The following COL16A1 variants were observed in gnomAD, a reference collection of about 807,000 sequenced individuals.
The protein encoded by COL16A1 is collagen alpha-1(XVI) chain.
Under a neutral mutation model 266.3 loss-of-function variants are expected in COL16A1, and 189 were observed. The ratio of observed to expected loss-of-function variants is 0.71; its 90% CI spans 0.63 to 0.80. The LOEUF (loss-of-function observed/expected upper bound fraction) is 0.80. Ranked by LOEUF, COL16A1 falls within the 30% of genes least tolerant of loss-of-function variation. The pLI is 0.00. For synonymous variants in COL16A1, 740 were observed against 782.3 expected, an observed-to-expected ratio of 0.95 and a Z score of 0.90; for missense variants, 1,928 against 2,122.4, an observed-to-expected ratio of 0.91 and a Z score of 1.80.
intron 8 of COL16A1, 72 bp from the exon 9 acceptor site, chr1:31,696,213 C>T: frequency 7.1e-7 from 1 of 1,398,702 alleles, no homozygotes; most frequent in Non-Finnish European, 1.0e-6. Flanking sequence ...AAGGGGCACC[C>T]AGGCAGGGGG....
At chr1:31,693,327 T>C in intron 12 of COL16A1, 173 bp from the exon 13 acceptor site, 1 of 610,058 alleles carries the variant, frequency 1.6e-6, no homozygotes, top group Non-Finnish European at 3.0e-6. Context: ...CACAAGCATA[T>C]GGATTCCACA....
At chr1:31,654,098 A>G (rs1421408134) in intron 68 of COL16A1, 55 bp from the exon 69 acceptor site, 20 of 1,563,490 alleles carry the variant, frequency 1.3e-5, no homozygotes, top group Middle Eastern at 1.9e-4. Context: ...AGGGACTCAG[A>G]ATGACTGCAG....
chr1:31,675,904 C>T (rs958717319), intron 42 of COL16A1, among the ~76,000 whole-genome samples: 3 of 152,166 alleles, frequency 2.0e-5, no homozygotes, highest in African/African-American at 2.4e-5. Flanking sequence ...TGATCCTCCC[C>T]GCTCAGCCTC....
At position 31,670,520 on chromosome 1, in the gene COL16A1, C is replaced by T. The variant is rs527548106; in HGVS notation, c.3195+82G>A. 1.0e-4 allele frequency: 131 copies of T among 1,299,666 alleles called. No homozygotes were observed. Among genetic ancestry groups the T allele is most frequent in the Non-Finnish European group, 1.2e-4 (120 of 1,015,708 alleles). The allele number at this position is 1,299,666 out of a possible 1,614,324, so 80.5% of individuals were successfully genotyped here. A position where few individuals can be genotyped will look rare whatever the true frequency, so the allele number is the denominator to read the frequency against. ...CAAACACGGAGGACGGAGGTGAAGGCACGACAGGAGGGAGACAAGCAAAAG... is the reference window on the plus strand; with the variant it reads ...CAAACACGGAGGACGGAGGTGAAGGTACGACAGGAGGGAGACAAGCAAAAG... On this transcript the variant is annotated intron_variant, in intron 49 of 70. Coordinates refer to ENST00000373672, the MANE Select transcript of COL16A1 (RefSeq NM_001856.4). This position sits in a 1 kb window ranked among gnomAD's most constrained non-coding sequence, Gnocchi z 4.5.
Position 31,698,626 on chromosome 1 carries a change from G to A in COL16A1, c.267-20C>T, listed in dbSNP as rs1644600548. 1.2e-6 allele frequency: 2 copies of A among 1,612,182 alleles called. No individual in the cohort carries two copies. The highest frequency in any genetic ancestry group is 1.7e-6 in the Non-Finnish European group (2 of 1,179,450). ...ACTCTTCTGGAGATGGAGCAGGGAG[G>A]GTGCCCTGAGGCTCCAATGAGGACC... On this transcript the variant is annotated intron_variant, in intron 4 of 70. Transcript: ENST00000373672. The surrounding 1 kb of genome is among the most constrained non-coding windows in gnomAD (Gnocchi z 4.1).
At chr1:31,700,824 G>A (rs1178816126) in intron 2 of COL16A1, among the ~76,000 whole-genome samples, 4 of 152,330 alleles carry the variant, frequency 2.6e-5, no homozygotes, top group Admixed American at 6.5e-5. Context: ...AAGCTCAAGG[G>A]TACCACCAGG....
In COL16A1 at chr1:31,696,239, A is replaced by G. The variant is rs957437420; in HGVS notation, c.865-98T>C. ...AGGCAGGGGGCATGGGCCCCAGGTA[A>G]TCCTTCAGCCTGGCATCTGGCACCT... On this transcript the variant is annotated intron_variant, in intron 8 of 70. Coordinates refer to ENST00000373672, the MANE Select transcript of COL16A1 (RefSeq NM_001856.4). The G allele has an allele frequency of 8.2e-6, 9 of 1,097,432 alleles. No individual in the cohort carries two copies. The African/African-American group carries it at 1.1e-4, about 13-fold the overall frequency. The allele number at this position is 1,097,432 out of a possible 1,614,324, so 68.0% of individuals were successfully genotyped here. A position where few individuals can be genotyped will look rare whatever the true frequency, so the allele number is the denominator to read the frequency against.
chr1:31,655,343 GGC>G lies in COL16A1; in HGVS notation c.4259_4260del (p.Ser1420ThrfsTer17). On this transcript the variant is annotated frameshift_variant, in exon 67 of 71. Transcript: ENST00000373672. LOFTEE classifies it high-confidence loss of function. ...GHPGAPGPSG[S>X]PGLPGVPGSM... ...GAGCCAGGCACACCAGGCAAGCCAG[GGC>G]TCCCCGAAGGCCCCGGAGCTCCAGG... 1 of 1,613,686 alleles carries G rather than the reference GGC, an allele frequency of 6.2e-7. No homozygotes were observed. Among genetic ancestry groups the G allele is most frequent in the Non-Finnish European group, 8.5e-7 (1 of 1,179,852 alleles).
rs758834459 is a variant in COL16A1, at chr1:31,692,516, TGAGGAAGGGAGACA to T, written c.1159-21_1159-8del. ...CTGGGAGTCCTGAGGGTCCCTGAGATGAGGAAGGGAGACAGAGGAAGGGAGGGTAAGGCTGGGCC... is the reference window on the plus strand; with the variant it reads ...CTGGGAGTCCTGAGGGTCCCTGAGATGAGGAAGGGAGGGTAAGGCTGGGCC... On this transcript the variant is annotated splice_region_variant and splice_polypyrimidine_tract_variant and intron_variant, in intron 15 of 70. Transcript: ENST00000373672. 6.2e-6 allele frequency: 10 copies of T among 1,613,776 alleles called. No individual in the cohort carries two copies. Among genetic ancestry groups the T allele is most frequent in the Non-Finnish European group, 8.5e-6 (10 of 1,179,884 alleles).
rs1641121193 is a variant in COL16A1 at position 31,656,098 on chromosome 1, C to G, written c.4101+302G>C. 8.6e-6 allele frequency: 4 copies of G among 465,254 alleles called. No individual in the cohort carries two copies. In the East Asian group the frequency reaches 1.8e-4, roughly 20 times the overall value. 28.8% of individuals were successfully genotyped at this position (465,254 alleles called of 1,614,324 possible). ...CTATTGTTCAGGGACCTCTGTTTAC[C>G]TGAGGCCAGGACAAGGGCCTGGAAT... On this transcript the variant is annotated intron_variant, in intron 66 of 70. Transcript: ENST00000373672. The surrounding 1 kb of genome is among the most constrained non-coding windows in gnomAD (Gnocchi z 4.2).
chr1:31,684,954 A>C, intron 29 of COL16A1, 98 bp from the exon 30 acceptor site: 4 of 1,595,774 alleles, frequency 2.5e-6, no homozygotes, highest in Non-Finnish European at 3.4e-6. Context: ...TAAACAAACA[A>C]ACAAAATCTC....
intron 56 of COL16A1, 28 bp from the exon 57 acceptor site, chr1:31,662,686 C>CCCCCCG: frequency 9.8e-7 from 1 of 1,021,302 alleles, no homozygotes; most frequent in Non-Finnish European, 1.4e-6. Flanking sequence ...CCCCCCCCCC[C>CCCCCCG]GCCCCACAAT....
chr1:31,690,012 C>G, intron 22 of COL16A1, 161 bp from the exon 23 acceptor site: 1 of 645,698 alleles, frequency 1.5e-6, no homozygotes, highest in South Asian at 1.9e-5. Flanking sequence ...TCCTGTTCAA[C>G]TGACTCATTC....
At chr1:31,653,816 C>G in intron 69 of COL16A1, 51 bp downstream of exon 69, 1 of 1,581,764 alleles carries the variant, frequency 6.3e-7, no homozygotes. Context: ...AATACTTAGG[C>G]CTGCCCCAAA....
rs571101816 is a variant in COL16A1, at chr1:31,702,445, G to A, written c.-34-218C>T. ...AAATATTTAACCACCGGTATGGCACGGATACCAGCTTTCAGGCAAAGCAGA... is the reference window on the plus strand; with the variant it reads ...AAATATTTAACCACCGGTATGGCACAGATACCAGCTTTCAGGCAAAGCAGA... On this transcript the variant is annotated intron_variant, in intron 1 of 70. Transcript: ENST00000373672. Among the ~76,000 whole-genome samples, 404 of 152,298 alleles carry A rather than the reference G, an allele frequency of 2.7e-3. 1 individual carries two copies. Among genetic ancestry groups the A allele is most frequent in the African/African-American group, 9.2e-3 (384 of 41,548 alleles).
Position 31,691,418 on chromosome 1 carries a change from G to A in COL16A1, c.1397C>T (p.Pro466Leu), listed in dbSNP as rs535289060. 27 of 1,609,302 alleles carry A rather than the reference G, an allele frequency of 1.7e-5. No homozygotes were observed. The highest frequency in any genetic ancestry group is 1.7e-4 in the Middle Eastern group (1 of 6,034). ...GPPGIGLPGT[P>L]GDPGGPPGPK... ...CAGGAGAAGCAAGGGGGTACTCACC[G>A]GGGTCCCAGGCAGTCCTATCCCAGG... Residue 466 changes from proline (P) to leucine (L), a missense_variant and splice_region_variant, in exon 19 of 71, where the codon CCG becomes CTG. Around this residue, in one of 2 missense-constraint regions of COL16A1, gnomAD observed 1,552 missense variants for 1,637.2 expected, o/e 0.95. Transcript: ENST00000373672.
At position 31,667,612 on chromosome 1, in the gene COL16A1, C is replaced by T. The variant is rs34013895; in HGVS notation, c.3320G>A (p.Arg1107His). The change falls in exon 52 of 71, where the codon CGT (arginine) becomes CAT (histidine). Residue 1107 changes from arginine to histidine, a missense_variant. Coordinates refer to ENST00000373672, the MANE Select transcript of COL16A1 (RefSeq NM_001856.4). ...CTCTCCCGCTGACCCGGTGTAGCCACGCTCCCCCTTGATGCCCTGACAAGT... is the reference window on the plus strand; with the variant it reads ...CTCTCCCGCTGACCCGGTGTAGCCATGCTCCCCCTTGATGCCCTGACAAGT... ...PPGLPGIKGE[R>H]GYTGSAGEKG... 2.0e-5 allele frequency: 32 copies of T among 1,605,376 alleles called. No homozygotes were observed. In the African/African-American group the frequency reaches 2.4e-4, roughly 12 times the overall value.
intron 15 of COL16A1, 44 bp downstream of exon 15, chr1:31,692,554 C>G (rs772337192): frequency 6.2e-7 from 1 of 1,614,074 alleles, no homozygotes; most frequent in Non-Finnish European, 8.5e-7. Context: ...TAAGGCTGGG[C>G]CCTGGACCCA....
At chr1:31,680,233 T>C in intron 39 of COL16A1, 132 bp from the exon 40 acceptor site, 2 of 1,346,578 alleles carry the variant, frequency 1.5e-6, no homozygotes, top group Non-Finnish European at 2.0e-6. Flanking sequence ...TCTTCTAATG[T>C]GCCCTTAGGC....
Sources: allele counts gnomAD v4.1 joint callset (sites outside exome capture counted in the v4.1 genomes callset), GRCh38; gene constraint gnomAD v4.1.1; regional missense constraint gnomAD v4.1.1; non-coding constraint Gnocchi (gnomAD v3.1); transcripts MANE v1.5; gene names NCBI Gene and HGNC (gene_info 2026-07-23, HGNC 2026-07-21).